The following CA10 variants were observed in gnomAD, a reference collection of about 807,000 sequenced individuals.
CA10 encodes carbonic anhydrase 10 (inactive), also known as carbonic anhydrase-related protein 10.
CA10 carries 14 observed loss-of-function variants against 44.2 expected under a neutral mutation model. That is an observed-to-expected ratio of 0.32 (90% CI 0.21 to 0.50). The LOEUF is 0.50. Ranked by LOEUF, CA10 falls within the 20% of genes least tolerant of loss-of-function variation. CA10 has a pLI of 0.99. For missense variants in CA10, 350 were observed against 409.7 expected, an observed-to-expected ratio of 0.85 and a Z score of 1.26; for synonymous variants, 159 against 141.6, an observed-to-expected ratio of 1.12 and a Z score of -0.87.
chr17:51,670,063 G>A (rs963904693), intron 4 of CA10, among the ~76,000 whole-genome samples: 2 of 152,220 alleles, frequency 1.3e-5, no homozygotes, highest in Non-Finnish European at 2.9e-5. Flanking sequence ...TGCCATGTAA[G>A]ATGTTCCCTT....
intron 4 of CA10, among the ~76,000 whole-genome samples, 176 bp downstream of exon 4, chr17:51,747,457 C>G (rs985859372): frequency 6.6e-6 from 1 of 152,208 alleles, no homozygotes; most frequent in Non-Finnish European, 1.5e-5. Context: ...ATACTAGAAG[C>G]TTGTTATTGA....
intron 3 of CA10, among the ~76,000 whole-genome samples, chr17:51,902,377 A>G (rs1429194425): frequency 1.3e-5 from 2 of 152,192 alleles, no homozygotes; most frequent in East Asian, 1.9e-4. Context: ...CTCAGGTGTC[A>G]TGATGATTTA....
At chr17:51,770,144 T>C (rs2143654777) in intron 3 of CA10, among the ~76,000 whole-genome samples, 1 of 150,426 alleles carries the variant, frequency 6.6e-6, no homozygotes, top group East Asian at 2.0e-4. Flanking sequence ...TCCCTAGAGC[T>C]ATTTGGGTGT....
chr17:51,664,142 G>A (rs921637540), intron 4 of CA10, among the ~76,000 whole-genome samples: 2 of 152,058 alleles, frequency 1.3e-5, no homozygotes, highest in Admixed American at 6.6e-5. Context: ...TTTAATTATT[G>A]TAGAGATTTA....
chr17:52,067,115 G>GA (rs1418169280), intron 2 of CA10, among the ~76,000 whole-genome samples: 1 of 152,346 alleles, frequency 6.6e-6, no homozygotes, highest in South Asian at 2.1e-4. Flanking sequence ...AGACAATGGG[G>GA]AAAATGTCTC....
chr17:51,804,875 C>T (rs533869938), intron 3 of CA10, among the ~76,000 whole-genome samples: 1 of 152,308 alleles, frequency 6.6e-6, no homozygotes, highest in African/African-American at 2.4e-5. Context: ...CTTTCTTTAA[C>T]CCTCTTTTTG....
intron 3 of CA10, among the ~76,000 whole-genome samples, chr17:51,799,148 T>C (rs1323325722): frequency 6.6e-6 from 1 of 152,218 alleles, no homozygotes; most frequent in Admixed American, 6.5e-5. Context: ...CTTTCCCCAA[T>C]TCAATATGGT....
intron 2 of CA10, among the ~76,000 whole-genome samples, chr17:52,003,540 C>A (rs1017734208): frequency 3.3e-5 from 5 of 151,884 alleles, no homozygotes; most frequent in African/African-American, 4.8e-5. Context: ...TAGATGAAAG[C>A]TTTGTTTACC....
chr17:51,934,012 T>G (rs950118650), intron 2 of CA10, among the ~76,000 whole-genome samples: 1 of 152,100 alleles, frequency 6.6e-6, no homozygotes, highest in Non-Finnish European at 1.5e-5. Context: ...ATATCCCCAC[T>G]TCACGATCAA....
intron 3 of CA10, among the ~76,000 whole-genome samples, chr17:51,850,280 G>A (rs1226230433): frequency 6.6e-6 from 1 of 152,164 alleles, no homozygotes; most frequent in Non-Finnish European, 1.5e-5. Flanking sequence ...GAATCATAAT[G>A]TATATAAAGT....
At chr17:51,703,069 A>T (rs1296212636) in intron 4 of CA10, among the ~76,000 whole-genome samples, 2 of 152,126 alleles carry the variant, frequency 1.3e-5, no homozygotes, top group African/African-American at 4.8e-5. Flanking sequence ...AGGAGACTGA[A>T]GCTCAGGGAG....
intron 2 of CA10, among the ~76,000 whole-genome samples, chr17:52,037,446 G>A (rs1325134147): frequency 6.6e-6 from 1 of 152,132 alleles, no homozygotes; most frequent in Non-Finnish European, 1.5e-5. Flanking sequence ...AACCAGGAGA[G>A]GCAACTTAGA....
intron 2 of CA10, among the ~76,000 whole-genome samples, chr17:51,986,924 A>G (rs1984859040): frequency 6.6e-6 from 1 of 152,124 alleles, no homozygotes. Context: ...GTAAACTACT[A>G]CAACCACTAT....
chr17:51,876,415 T>C (rs1295251842), intron 3 of CA10, among the ~76,000 whole-genome samples: 1 of 149,968 alleles, frequency 6.7e-6, no homozygotes, highest in African/African-American at 2.5e-5. Context: ...ACTCCTGAGC[T>C]CAAGTGATCC....
chr17:51,718,961 A>G (rs536234768), intron 4 of CA10, among the ~76,000 whole-genome samples: 3 of 152,296 alleles, frequency 2.0e-5, no homozygotes, highest in Admixed American at 6.5e-5. Flanking sequence ...ACCTCTACTT[A>G]TAGCACAGCA....
chr17:51,753,991 C>T lies in CA10; in HGVS notation c.280-6173G>A, dbSNP rs149075484. On this transcript the variant is annotated intron_variant, in intron 3 of 8. Transcript: ENST00000451037. Reference sequence around the variant, plus strand: ...CCCAAGTAGCTGGGATTACAGGTACCTGCCATCACGCCCAGCTAATTTTTA... The same window carrying T: ...CCCAAGTAGCTGGGATTACAGGTACTTGCCATCACGCCCAGCTAATTTTTA... Among the ~76,000 whole-genome samples the T allele has an allele frequency of 5.5e-3, 841 of 152,144 alleles. 8 individuals are homozygous for T. The highest frequency in any genetic ancestry group is 0.019 in the African/African-American group (791 of 41,506).
intron 1 of CA10, among the ~76,000 whole-genome samples, chr17:52,076,215 A>T (rs879897137): frequency 3.3e-5 from 5 of 152,204 alleles, no homozygotes; most frequent in Admixed American, 3.3e-4. Flanking sequence ...TTTAAGAAAC[A>T]TCTATCTAGA....
chr17:51,851,491 AAATT>A (rs1174605480), intron 3 of CA10, among the ~76,000 whole-genome samples: 1 of 152,262 alleles, frequency 6.6e-6, no homozygotes, highest in Non-Finnish European at 1.5e-5. Context: ...TTTGAGGATG[AAATT>A]AATTAATACA....
chr17:51,680,933 G>C (rs1348870349), intron 4 of CA10, among the ~76,000 whole-genome samples: 1 of 152,188 alleles, frequency 6.6e-6, no homozygotes, highest in Non-Finnish European at 1.5e-5. Flanking sequence ...AACATTCCCA[G>C]AGAGCCAGAA....
Sources: gnomAD v4.1 joint callset for allele counts (sites outside exome capture counted in the v4.1 genomes callset) on GRCh38, gnomAD v4.1.1 for gene constraint, MANE v1.5 for transcripts, NCBI Gene and HGNC (gene_info 2026-07-23, HGNC 2026-07-21) for gene names.